The following KCNMA1 variants were observed in gnomAD, a reference collection of about 807,000 sequenced individuals.
KCNMA1 encodes the protein potassium calcium-activated channel subfamily M alpha 1.
KCNMA1 carries 29 observed loss-of-function variants against 140.0 expected under a neutral mutation model. That is an observed-to-expected ratio of 0.21 (90% CI 0.15 to 0.28). The LOEUF (loss-of-function observed/expected upper bound fraction) is 0.28. Among genes scored for constraint, KCNMA1 ranks in the 10% least tolerant of loss-of-function variants. The pLI, the probability that KCNMA1 is intolerant of heterozygous loss-of-function variation, is 1.00. For synonymous variants in KCNMA1, 612 were observed against 611.9 expected (o/e 1.00, Z 0.00); for missense variants, 880 against 1,602.2 (o/e 0.55, Z 7.70).
chr10:76,886,041 G>C lies in KCNMA1; in HGVS notation c.*1225C>G. On this transcript the variant is annotated 3_prime_UTR_variant, in exon 28 of 28. Transcript: ENST00000286628. Reference sequence around the variant, plus strand: ...TTTCTGCATTGGGACAGCCAGCACCGCACAGCTGTGCCAACAGTTGAAGGT... The same window carrying C: ...TTTCTGCATTGGGACAGCCAGCACCCCACAGCTGTGCCAACAGTTGAAGGT... The C allele has an allele frequency of 1.0e-6, 1 of 985,400 alleles. No homozygotes were observed. The highest frequency in any genetic ancestry group is 1.7e-5 in the African/African-American group (1 of 57,344). 61.0% of individuals were successfully genotyped at this position (985,400 alleles called of 1,614,324 possible). A position where few individuals can be genotyped will look rare whatever the true frequency, so the allele number is the denominator to read the frequency against.
At chr10:77,587,942 C>G in intron 1 of KCNMA1, 1 of 835,196 alleles carries the variant, frequency 1.2e-6, no homozygotes, top group South Asian at 5.5e-5. Flanking sequence ...AAGCAGAGTC[C>G]CACAGAAAGA....
intron 24 of KCNMA1, chr10:76,912,643 G>T (rs1052160972): frequency 1.3e-5 from 2 of 152,184 alleles, no homozygotes; most frequent in Non-Finnish European, 2.9e-5. Context: ...TACCAGAATT[G>T]TTGCCTTAGG....
At chr10:77,099,807 G>T (rs1221251907) in intron 9 of KCNMA1, among the ~76,000 whole-genome samples, 2 of 152,078 alleles carry the variant, frequency 1.3e-5, no homozygotes, top group Non-Finnish European at 2.9e-5. Flanking sequence ...GTCTGGAAAG[G>T]AGTGGACCTC....
At chr10:76,898,331 AT>A (rs1329962198) in intron 25 of KCNMA1, among the ~76,000 whole-genome samples, 2 of 151,958 alleles carry the variant, frequency 1.3e-5, no homozygotes, top group African/African-American at 4.8e-5. Context: ...TATAACTGAA[AT>A]ATAGAAAGCA....
At chr10:77,284,260 C>T (rs1330094804) in intron 2 of KCNMA1, among the ~76,000 whole-genome samples, 1 of 152,084 alleles carries the variant, frequency 6.6e-6, no homozygotes, top group Non-Finnish European at 1.5e-5. Context: ...AGAGCTGCCA[C>T]AATAGGCAAC....
rs1362347949 is a variant in KCNMA1, at chr10:77,546,279, C to A, written c.378+90986G>T. ...CTTCCTCCTCATCCTCCTCCTATTC[C>A]CTCTCCCTCCTCCACTGAATTCCCA... On this transcript the variant is annotated intron_variant, in intron 1 of 27. Transcript: ENST00000286628. Among the ~76,000 whole-genome samples the A allele has an allele frequency of 9.9e-5, 15 of 152,150 alleles. No homozygotes were observed. The East Asian group carries it at 2.9e-3, about 29-fold the overall frequency.
chr10:77,496,123 G>T (rs1395125931), intron 1 of KCNMA1, among the ~76,000 whole-genome samples: 1 of 152,154 alleles, frequency 6.6e-6, no homozygotes, highest in Non-Finnish European at 1.5e-5. Flanking sequence ...CCTCCATGCA[G>T]CTGTGCCCAC....
At chr10:77,510,262 C>G (rs2047875865) in intron 1 of KCNMA1, among the ~76,000 whole-genome samples, 1 of 152,048 alleles carries the variant, frequency 6.6e-6, no homozygotes, top group South Asian at 2.1e-4. Context: ...TTGCACTCCA[C>G]TTGCCATAGA....
chr10:77,420,368 CT>C (rs2096841510), intron 1 of KCNMA1, among the ~76,000 whole-genome samples: 1 of 152,250 alleles, frequency 6.6e-6, no homozygotes, highest in South Asian at 2.1e-4. Flanking sequence ...CACTGTTCTC[CT>C]TCCCAAATCC....
chr10:77,051,861 G>A (rs61868829), intron 14 of KCNMA1, among the ~76,000 whole-genome samples: 9,008 of 152,270 alleles, frequency 0.059, 369 homozygotes, highest in Non-Finnish European at 0.09. Flanking sequence ...TGCATGTAAA[G>A]TGCTTAGCAG....
chr10:76,915,080 A>C, intron 23 of KCNMA1, 31 bp from the exon 24 acceptor site: 3 of 1,526,196 alleles, frequency 2.0e-6, no homozygotes, highest in Non-Finnish European at 2.7e-6. Flanking sequence ...GAGGAAGAAA[A>C]ATCAGAGAAG....
At chr10:76,928,394 G>A (rs7086316) in intron 23 of KCNMA1, among the ~76,000 whole-genome samples, 104,102 of 151,704 alleles carry the variant, frequency 0.69, 38,759 homozygotes, top group South Asian at 0.88. Context: ...CTTCCTAATA[G>A]AATCTTCCCC....
At chr10:77,370,167 C>A (rs190538793) in intron 2 of KCNMA1, among the ~76,000 whole-genome samples, 21 of 152,290 alleles carry the variant, frequency 1.4e-4, no homozygotes, top group Non-Finnish European at 2.4e-4. Context: ...AAACCAAATT[C>A]TTCTGCTTTG....
At chr10:77,181,711 G>A (rs1436604447) in intron 5 of KCNMA1, among the ~76,000 whole-genome samples, 1 of 152,122 alleles carries the variant, frequency 6.6e-6, no homozygotes, top group Admixed American at 6.5e-5. Flanking sequence ...GACTCTACTA[G>A]CCTCATCAGG....
chr10:77,079,162 C>CAAGAGGCAGAGGCAGGAGA (rs1215422475), intron 13 of KCNMA1, among the ~76,000 whole-genome samples: 3 of 152,046 alleles, frequency 2.0e-5, no homozygotes, highest in African/African-American at 7.2e-5. Flanking sequence ...CCCAGCTACT[C>CAAGAGGCAGAGGCAGGAGA]AAGAGGCAGA....
At chr10:77,421,251 T>TTAAATATGA (rs1449387835) in intron 1 of KCNMA1, among the ~76,000 whole-genome samples, 2 of 152,210 alleles carry the variant, frequency 1.3e-5, no homozygotes, top group Non-Finnish European at 2.9e-5. Context: ...ATATTCCAGA[T>TTAAATATGA]GTCCTACTCA....
At chr10:76,948,684 T>C (rs371009303) in intron 22 of KCNMA1, among the ~76,000 whole-genome samples, 2 of 152,148 alleles carry the variant, frequency 1.3e-5, no homozygotes, top group Non-Finnish European at 2.9e-5. Context: ...TGGCCTTCTG[T>C]ACAGCAGAAA....
At chr10:77,447,664 C>T (rs763094229) in intron 1 of KCNMA1, among the ~76,000 whole-genome samples, 4 of 152,182 alleles carry the variant, frequency 2.6e-5, no homozygotes, top group Non-Finnish European at 5.9e-5. Context: ...CTGAAGAACA[C>T]ACAAGGAGAT....
At chr10:77,453,902 G>A (rs2097709954) in intron 1 of KCNMA1, among the ~76,000 whole-genome samples, 1 of 152,136 alleles carries the variant, frequency 6.6e-6, no homozygotes, top group Non-Finnish European at 1.5e-5. Flanking sequence ...AGCCAGAGTG[G>A]AAACCTCAAG....
Sources: allele counts gnomAD v4.1 joint callset (sites outside exome capture counted in the v4.1 genomes callset), GRCh38; gene constraint gnomAD v4.1.1; transcripts MANE v1.5; gene names NCBI Gene and HGNC (gene_info 2026-07-23, HGNC 2026-07-21).